The following THSD4 variants were observed in gnomAD, a reference collection of about 807,000 sequenced individuals.
THSD4 encodes the protein thrombospondin type-1 domain-containing protein 4.
In THSD4, 69 loss-of-function variants were observed where a neutral mutation model predicts 119.0. The ratio of observed to expected loss-of-function variants is 0.58; its 90% CI spans 0.48 to 0.71. The LOEUF (loss-of-function observed/expected upper bound fraction) is 0.71, where lower values mean the gene tolerates loss of function less well. Among genes scored for constraint, THSD4 ranks in the 30% least tolerant of loss-of-function variants. THSD4 has a pLI of 0.00. For missense variants in THSD4, 1,393 were observed against 1,391.1 expected (o/e 1.00, Z -0.02); for synonymous variants, 524 against 540.4 (o/e 0.97, Z 0.42).
chr15:71,167,667 C>G (rs957975962), intron 3 of THSD4, among the ~76,000 whole-genome samples: 5 of 152,192 alleles, frequency 3.3e-5, no homozygotes, highest in African/African-American at 1.2e-4. Flanking sequence ...AAAATCTACT[C>G]ACAATCTTTA....
intron 3 of THSD4, among the ~76,000 whole-genome samples, chr15:71,182,808 C>A (rs1470763467): frequency 6.6e-6 from 1 of 151,704 alleles, no homozygotes; most frequent in Non-Finnish European, 1.5e-5. Flanking sequence ...TGGAGCCTTC[C>A]CATGTCAGCT....
intron 6 of THSD4, among the ~76,000 whole-genome samples, chr15:71,337,163 G>A (rs961583138): frequency 1.3e-5 from 2 of 152,196 alleles, no homozygotes; most frequent in Admixed American, 6.5e-5. Context: ...TCTTAGTTGG[G>A]TACAACACTG....
At position 71,243,022 on chromosome 15, in the gene THSD4, T is replaced by C. The variant is rs1292190756; in HGVS notation, c.838T>C (p.Phe280Leu). The change falls in exon 5 of 18, where the codon TTC (phenylalanine) becomes CTC (leucine). Residue 280 changes from phenylalanine (F) to leucine (L), a missense_variant. Phe to Leu is a conservative substitution (Grantham distance 22). Coordinates refer to ENST00000261862, the MANE Select transcript of THSD4 (RefSeq NM_024817.3). ...GVGTHGATQS[F>L]SQPARSTAIS... ...GGGGACCCATGGGGCAACTCAGAGC[T>C]TCTCTCAGCCTGCCCGATCTACAGC... The C allele has an allele frequency of 6.2e-7, 1 of 1,614,202 alleles. No homozygotes were observed.
intron 7 of THSD4, among the ~76,000 whole-genome samples, chr15:71,593,897 C>G (rs1015667172): frequency 6.8e-6 from 1 of 146,908 alleles, no homozygotes; most frequent in African/African-American, 2.5e-5. Flanking sequence ...ACACAAGATC[C>G]TGACACCCCT....
Position 71,777,568 on chromosome 15 carries a change from A to C in THSD4, c.*194A>C. On this transcript the variant is annotated 3_prime_UTR_variant, in exon 18 of 18. Coordinates refer to ENST00000261862, the MANE Select transcript of THSD4 (RefSeq NM_024817.3). The stretch of plus-strand genomic sequence containing the variant: ...TTTACACAAGATGTTTGAAAGCCAC[A>C]GTCAGTCCTTTAAGCATCACCATGT... 1 of 684,196 alleles carries C rather than the reference A, an allele frequency of 1.5e-6. No homozygotes were observed. Among genetic ancestry groups the C allele is most frequent in the Non-Finnish European group, 2.4e-6 (1 of 414,450 alleles). The allele number at this position is 684,196 out of a possible 1,614,324, so 42.4% of individuals were successfully genotyped here. A position where few individuals can be genotyped will look rare whatever the true frequency, so the allele number is the denominator to read the frequency against.
intron 6 of THSD4, among the ~76,000 whole-genome samples, chr15:71,370,118 A>G (rs6494909): frequency 0.99 from 151,015 of 152,198 alleles, 74,928 homozygotes; most frequent in Middle Eastern, 1. Context: ...CTGTGGGATC[A>G]GCGGTGATAT....
chr15:71,656,857 G>A lies in THSD4; in HGVS notation c.1153-3673G>A, dbSNP rs527937881. Among the ~76,000 whole-genome samples the A allele has an allele frequency of 3.9e-4, 60 of 152,194 alleles. No individual in the cohort carries two copies. In the South Asian group the frequency reaches 9.4e-3, roughly 24 times the overall value. Reference sequence around the variant, plus strand: ...TAAATGGAAAAACATATATGTTTCCGAGGACCTAGAAGATAGTAAAGACTG... The same window carrying A: ...TAAATGGAAAAACATATATGTTTCCAAGGACCTAGAAGATAGTAAAGACTG... On this transcript the variant is annotated intron_variant, in intron 7 of 17. Transcript: ENST00000261862.
intron 6 of THSD4, among the ~76,000 whole-genome samples, chr15:71,376,480 C>G (rs1362881674): frequency 6.6e-6 from 1 of 152,160 alleles, no homozygotes; most frequent in Non-Finnish European, 1.5e-5. Flanking sequence ...GCCAGACCAC[C>G]AACCCTTGTT....
chr15:71,227,610 T>C (rs771502292), intron 4 of THSD4, among the ~76,000 whole-genome samples: 1 of 152,238 alleles, frequency 6.6e-6, no homozygotes, highest in Non-Finnish European at 1.5e-5. Context: ...CATGTACTAT[T>C]TGAGCCTCAA....
intron 6 of THSD4, among the ~76,000 whole-genome samples, chr15:71,327,660 A>G (rs1288560666): frequency 6.6e-6 from 1 of 151,954 alleles, no homozygotes; most frequent in Non-Finnish European, 1.5e-5. Flanking sequence ...GGAAAAAAAA[A>G]TTGTTTAAAG....
chr15:71,249,411 C>T (rs1462291462), intron 5 of THSD4, among the ~76,000 whole-genome samples: 5 of 118,088 alleles, frequency 4.2e-5, no homozygotes, highest in African/African-American at 1.6e-4. Flanking sequence ...TTATTGACTT[C>T]ATATATATAT....
chr15:71,630,429 T>G (rs1595806236), intron 7 of THSD4, among the ~76,000 whole-genome samples: 1 of 152,234 alleles, frequency 6.6e-6, no homozygotes, highest in Non-Finnish European at 1.5e-5. Context: ...TTGTTTATAT[T>G]TTACCCCCAA....
At chr15:71,422,120 T>A (rs1367891707) in intron 7 of THSD4, among the ~76,000 whole-genome samples, 3 of 152,248 alleles carry the variant, frequency 2.0e-5, no homozygotes, top group Non-Finnish European at 4.4e-5. Context: ...GACTGAAAGG[T>A]TACATATCTC....
chr15:71,449,628 C>T (rs1280013167), intron 7 of THSD4, among the ~76,000 whole-genome samples: 1 of 149,004 alleles, frequency 6.7e-6, no homozygotes, highest in Non-Finnish European at 1.5e-5. Context: ...ACATGAAAGT[C>T]ACACAGGACA....
intron 7 of THSD4, among the ~76,000 whole-genome samples, chr15:71,555,990 G>A (rs2049010053): frequency 6.6e-6 from 1 of 151,984 alleles, no homozygotes; most frequent in Non-Finnish European, 1.5e-5. Context: ...TCTGGCCTCT[G>A]TATTTGCTCC....
intron 7 of THSD4, among the ~76,000 whole-genome samples, chr15:71,503,965 C>T (rs1488177847): frequency 6.6e-6 from 1 of 152,218 alleles, no homozygotes; most frequent in Non-Finnish European, 1.5e-5. Context: ...TCAGTTTATA[C>T]TGGCACTCTT....
At chr15:71,751,650 G>GTTTTTATTTTTATTTTTA (rs375557304) in intron 14 of THSD4, among the ~76,000 whole-genome samples, 1 of 151,016 alleles carries the variant, frequency 6.6e-6, no homozygotes. Context: ...GGATTTTCTA[G>GTTTTTATTTTTATTTTTA]TTTTTATTTT....
intron 7 of THSD4, among the ~76,000 whole-genome samples, chr15:71,423,960 C>T (rs1566977658): frequency 1.3e-5 from 2 of 152,146 alleles, no homozygotes; most frequent in Non-Finnish European, 2.9e-5. Context: ...GACAGGGCAG[C>T]ACTGAGTTCC....
upstream of THSD4, chr15:71,111,837 G>A (rs1298193803): frequency 1.9e-6 from 1 of 534,972 alleles, no homozygotes; most frequent in Non-Finnish European, 3.3e-6. Context: ...TGTAAGAGCT[G>A]AGAGCAGTGT....
Sources: gnomAD v4.1 joint callset for allele counts (sites outside exome capture counted in the v4.1 genomes callset) on GRCh38, gnomAD v4.1.1 for gene constraint, MANE v1.5 for transcripts, NCBI Gene and HGNC (gene_info 2026-07-23, HGNC 2026-07-21) for gene names.